Variants in PRDM2 observed in about 807,000 individuals in gnomAD.
The protein encoded by PRDM2 is PR/SET domain 2.
Under a neutral mutation model 130.0 loss-of-function variants are expected in PRDM2, and 30 were observed. The ratio of observed to expected loss-of-function variants is 0.23; its 90% CI spans 0.17 to 0.31. PRDM2 has a LOEUF of 0.31. Among genes scored for constraint, PRDM2 ranks in the 10% least tolerant of loss-of-function variants. The pLI, the probability that PRDM2 is intolerant of heterozygous loss-of-function variation, is 1.00. For missense variants in PRDM2, 2,011 were observed against 2,108.4 expected (o/e 0.95, Z 0.90); for synonymous variants, 871 against 782.4 (o/e 1.11, Z -1.89).
intron 8 of PRDM2, among the ~76,000 whole-genome samples, chr1:13,801,441 A>G (rs972300064): frequency 6.6e-6 from 1 of 152,226 alleles, no homozygotes; most frequent in African/African-American, 2.4e-5. Flanking sequence ...CTGTCAGCAC[A>G]TGAAAGGCTC....
At chr1:13,746,533 TTTATTTATTTA>T (rs1643612603) in intron 5 of PRDM2, among the ~76,000 whole-genome samples, 1 of 54,548 alleles carries the variant, frequency 1.8e-5, no homozygotes, top group Admixed American at 2.7e-4. Flanking sequence ...CTTGTTTTTA[TTTATTTATTTA>T]TTTATTTATT....
chr1:13,783,193 A>G (rs761232224), intron 8 of PRDM2: 1 of 524,068 alleles, frequency 1.9e-6, no homozygotes, highest in Non-Finnish European at 3.8e-6. Flanking sequence ...TTCCGATCAT[A>G]GAACATTTCT....
At chr1:13,731,158 G>T in intron 3 of PRDM2, 41 bp downstream of exon 3, 1 of 1,546,182 alleles carries the variant, frequency 6.5e-7, no homozygotes. Flanking sequence ...AGGCAGTAAA[G>T]AGCAGGTGGC....
At chr1:13,718,772 C>G (rs1642629944) in intron 2 of PRDM2, among the ~76,000 whole-genome samples, 2 of 152,136 alleles carry the variant, frequency 1.3e-5, no homozygotes, top group African/African-American at 4.8e-5. Context: ...TCCCTTCTCT[C>G]CATTCTCAGA....
chr1:13,779,735 T>A lies in PRDM2; in HGVS notation c.1940T>A (p.Leu647Gln), dbSNP rs368867615. The part of the protein sequence containing the change: ...KKRRTASPPA[L>Q]PKIKAETDSD... ...CGGAGAACTGCGAGCCCACCTGCAC[T>A]GCCCAAAATTAAGGCCGAAACAGAC... Residue 647 changes from leucine (L) to glutamine (Q), a missense_variant, in exon 8 of 10, where the codon CTG (leucine) becomes CAG (glutamine). Leu to Gln is a moderately radical substitution (Grantham distance 113). Coordinates refer to ENST00000311066, the MANE Select transcript of PRDM2 (RefSeq NM_001393986.1). This position sits in a 1 kb window ranked among gnomAD's most constrained non-coding sequence, Gnocchi z 4.9. The A allele has an allele frequency of 4.3e-6, 7 of 1,614,012 alleles. No individual in the cohort carries two copies. The highest frequency in any genetic ancestry group is 5.9e-6 in the Non-Finnish European group (7 of 1,180,018).
At position 13,715,575 on chromosome 1, in the gene PRDM2, G is replaced by T. The variant is rs762791133; in HGVS notation, c.-31G>T. The T allele has an allele frequency of 6.4e-7, 1 of 1,558,394 alleles. No individual in the cohort carries two copies. Among genetic ancestry groups the T allele is most frequent in the Non-Finnish European group, 8.7e-7 (1 of 1,154,972 alleles). ...AATCAAAGAAGTTTCTTTGTTGTGT[G>T]TATCTTTACAGAACACAACAGGAAT... is the stretch of plus-strand genomic sequence containing the variant. On this transcript the variant is annotated 5_prime_UTR_variant, in exon 2 of 10. Transcript: ENST00000311066.
chr1:13,768,429 G>C lies in PRDM2; in HGVS notation c.512-4649G>C, dbSNP rs145870887. Among the ~76,000 whole-genome samples the C allele has an allele frequency of 7.9e-3, 1,179 of 149,470 alleles. 14 individuals carry two copies. Among genetic ancestry groups the C allele is most frequent in the African/African-American group, 0.028 (1,136 of 40,452 alleles). ...AGTTTTGCCCTTGTCATTCAGGCTG[G>C]AATGCAGTGGCACGATCTCGGCTCA... On this transcript the variant is annotated intron_variant, in intron 6 of 9. Coordinates refer to ENST00000311066, the MANE Select transcript of PRDM2 (RefSeq NM_001393986.1).
intron 4 of PRDM2, among the ~76,000 whole-genome samples, chr1:13,740,612 C>A (rs569065559): frequency 6.6e-6 from 1 of 152,128 alleles, no homozygotes; most frequent in Admixed American, 6.5e-5. Flanking sequence ...TGAGTCGAAG[C>A]CTTTCTTTAT....
intron 8 of PRDM2, among the ~76,000 whole-genome samples, chr1:13,783,991 T>C (rs1644682375): frequency 6.6e-6 from 1 of 152,194 alleles, no homozygotes; most frequent in African/African-American, 2.4e-5. Flanking sequence ...TGAGGTAGAA[T>C]TTTTAATGCT....
chr1:13,777,332 G>A (rs1273510444), intron 7 of PRDM2, among the ~76,000 whole-genome samples: 2 of 151,938 alleles, frequency 1.3e-5, no homozygotes, highest in Non-Finnish European at 2.9e-5. Context: ...GTCACCTAGG[G>A]TTCACTATCT....
chr1:13,760,399 G>C (rs994244077), intron 6 of PRDM2, among the ~76,000 whole-genome samples: 1 of 151,922 alleles, frequency 6.6e-6, no homozygotes, highest in Non-Finnish European at 1.5e-5. Context: ...CTTCAGTGTT[G>C]CTTTTGCATT....
intron 6 of PRDM2, among the ~76,000 whole-genome samples, 187 bp downstream of exon 6, chr1:13,749,674 C>T (rs1179097426): frequency 6.6e-6 from 1 of 151,620 alleles, no homozygotes; most frequent in Non-Finnish European, 1.5e-5. Flanking sequence ...CCTGCGGTCC[C>T]GCTCGGGCCC....
At position 13,824,050 on chromosome 1, in the gene PRDM2, G is replaced by C. The variant is rs1270628894; in HGVS notation, c.*915G>C. 1 of 152,676 alleles carries C rather than the reference G, an allele frequency of 6.5e-6. No individual in the cohort carries two copies. The highest frequency in any genetic ancestry group is 2.4e-5 in the African/African-American group (1 of 41,452). 9.5% of individuals were successfully genotyped at this position (152,676 alleles called of 1,614,324 possible). A position where few individuals can be genotyped will look rare whatever the true frequency, so the allele number is the denominator to read the frequency against. On this transcript the variant is annotated 3_prime_UTR_variant, in exon 10 of 10. Coordinates refer to ENST00000311066, the MANE Select transcript of PRDM2 (RefSeq NM_001393986.1). ...AAATGGGAAGATTAAAAAGCACAGGGGGAAGAAGAAGAGATTTCGGAGGCC... is the reference window on the plus strand; with the variant it reads ...AAATGGGAAGATTAAAAAGCACAGGCGGAAGAAGAAGAGATTTCGGAGGCC...
At chr1:13,748,468 C>CA (rs1181596504) in intron 5 of PRDM2, among the ~76,000 whole-genome samples, 5 of 152,212 alleles carry the variant, frequency 3.3e-5, no homozygotes, top group African/African-American at 7.2e-5. Flanking sequence ...AGGCTGGACT[C>CA]ACGGATTCTC....
chr1:13,791,114 G>GT (rs3215495), intron 8 of PRDM2, among the ~76,000 whole-genome samples: 2,937 of 145,338 alleles, frequency 0.02, 50 homozygotes, highest in South Asian at 0.1. Flanking sequence ...TATAGGTAGG[G>GT]TTTTTTTTTT....
chr1:13,802,580 C>A (rs114064760), intron 8 of PRDM2, among the ~76,000 whole-genome samples: 1 of 152,142 alleles, frequency 6.6e-6, no homozygotes, highest in Non-Finnish European at 1.5e-5. Flanking sequence ...TTTTCTTGGT[C>A]CTTGGGGTTT....
intron 6 of PRDM2, among the ~76,000 whole-genome samples, chr1:13,772,763 C>T (rs972850040): frequency 6.6e-6 from 1 of 152,116 alleles, no homozygotes; most frequent in South Asian, 2.1e-4. Flanking sequence ...CCTTTGACAT[C>T]AATAGTAACG....
At chr1:13,794,803 G>A (rs547372284) in intron 8 of PRDM2, among the ~76,000 whole-genome samples, 1 of 152,226 alleles carries the variant, frequency 6.6e-6, no homozygotes, top group African/African-American at 2.4e-5. Flanking sequence ...TCATGACAGC[G>A]TGAGTTGTAG....
At position 13,780,840 on chromosome 1, in the gene PRDM2, C is replaced by T. The variant is rs140804649; in HGVS notation, c.3045C>T (p.Thr1015=). 118 of 1,607,212 alleles carry T rather than the reference C, an allele frequency of 7.3e-5. No homozygotes were observed. The highest frequency in any genetic ancestry group is 4.2e-4 in the East Asian group (19 of 44,790). ...GCCCCTCTCCACTCTCAAATGCCAC[C>T]GCACAGTCCCCACTTCCAATTCTGT... ...HPCPSPLSNA[T]AQSPLPILSP... Residue 1015 remains threonine, a synonymous_variant, in exon 8 of 10, where the codon ACC becomes ACT. Transcript: ENST00000311066.
Sources: allele counts gnomAD v4.1 joint callset (sites outside exome capture counted in the v4.1 genomes callset), GRCh38; gene constraint gnomAD v4.1.1; non-coding constraint Gnocchi (gnomAD v3.1); transcripts MANE v1.5; gene names NCBI Gene and HGNC (gene_info 2026-07-23, HGNC 2026-07-21).